Variants in ANXA4 observed in about 807,000 individuals in gnomAD.
The protein encoded by ANXA4 is 35-beta calcimedin.
A neutral mutation model predicts 49.8 loss-of-function variants in ANXA4; 39 were observed. The ratio of observed to expected loss-of-function variants is 0.78; its 90% confidence interval spans 0.61 to 1.02. The LOEUF is 1.02. ANXA4 is among the 50% of genes least tolerant of loss of function. The pLI, the probability that ANXA4 is intolerant of heterozygous loss-of-function variation, is 0.00. For missense variants in ANXA4, 360 were observed against 410.1 expected (o/e 0.88, Z 1.05); for synonymous variants, 134 against 152.5 (o/e 0.88, Z 0.89).
chr2:69,723,306 T>C (rs1559112301), intron 3 of ANXA4, among the ~76,000 whole-genome samples: 1 of 151,256 alleles, frequency 6.6e-6, no homozygotes, highest in Non-Finnish European at 1.5e-5. Context: ...TAAATAAATA[T>C]GTAGTAATTA....
At chr2:69,762,471 C>A (rs1445841740) in intron 1 of ANXA4, among the ~76,000 whole-genome samples, 1 of 152,034 alleles carries the variant, frequency 6.6e-6, no homozygotes, top group Non-Finnish European at 1.5e-5. Flanking sequence ...AGCTTTACAG[C>A]AGAGGAGGGA....
At chr2:69,773,013 CA>C (rs570668972) in intron 1 of ANXA4, among the ~76,000 whole-genome samples, 9 of 138,742 alleles carry the variant, frequency 6.5e-5, no homozygotes, top group Non-Finnish European at 4.7e-5. Flanking sequence ...GAGACTGTCT[CA>C]AAAAAAAAAG....
upstream of ANXA4, among the ~76,000 whole-genome samples, chr2:69,739,271 G>A (rs1292364767): frequency 6.6e-6 from 1 of 152,128 alleles, no homozygotes; most frequent in Non-Finnish European, 1.5e-5. Context: ...CTCCTGGTTT[G>A]GAAGTCGGCT....
At chr2:69,649,505 T>C (rs1676144660) in intron 1 of ANXA4, among the ~76,000 whole-genome samples, 1 of 151,516 alleles carries the variant, frequency 6.6e-6, no homozygotes, top group African/African-American at 2.4e-5. Context: ...TAGTAATCAG[T>C]GCTTTACTGT....
intron 1 of ANXA4, among the ~76,000 whole-genome samples, chr2:69,773,289 T>C (rs2105566327): frequency 6.6e-6 from 1 of 152,348 alleles, no homozygotes; most frequent in African/African-American, 2.4e-5. Context: ...AGGAGTGGAA[T>C]GTTCATATTA....
chr2:69,778,905 C>T (rs1170014768), intron 1 of ANXA4, among the ~76,000 whole-genome samples: 1 of 151,696 alleles, frequency 6.6e-6, no homozygotes, highest in Non-Finnish European at 1.5e-5. Flanking sequence ...CAAGACCAGC[C>T]TGGCCAATAT....
chr2:69,675,423 A>G (rs1283520674), intron 2 of ANXA4, among the ~76,000 whole-genome samples: 1 of 152,246 alleles, frequency 6.6e-6, no homozygotes, highest in Admixed American at 6.5e-5. Flanking sequence ...ATAAATATAG[A>G]TTAAAATTTT....
chr2:69,797,235 A>G (rs896606078), intron 3 of ANXA4, among the ~76,000 whole-genome samples: 1 of 152,162 alleles, frequency 6.6e-6, no homozygotes, highest in Non-Finnish European at 1.5e-5. Context: ...GTTCTTTTCA[A>G]TGTGACTCAG....
At chr2:69,702,362 T>C (rs551476489) in intron 2 of ANXA4, among the ~76,000 whole-genome samples, 1 of 152,194 alleles carries the variant, frequency 6.6e-6, no homozygotes, top group South Asian at 2.1e-4. Flanking sequence ...AAATCAAATA[T>C]ATTTAAAAAG....
At position 69,826,712 on chromosome 2, in the gene ANXA4, G is replaced by A. The variant is rs530512262; in HGVS notation, c.*1197G>A. On this transcript the variant is annotated 3_prime_UTR_variant, in exon 13 of 13. Coordinates refer to ENST00000394295, the MANE Select transcript of ANXA4 (RefSeq NM_001153.5). ...GTCAGGGAGAACTGCTTGAACCCAGGAGGCAGGAGGCAAAGGTTGCAGTGA... is the reference window on the plus strand; with the variant it reads ...GTCAGGGAGAACTGCTTGAACCCAGAAGGCAGGAGGCAAAGGTTGCAGTGA... The A allele has an allele frequency of 8.6e-5, 13 of 151,636 alleles. No homozygotes were observed. In the East Asian group the frequency reaches 2.1e-3, roughly 25 times the overall value. The allele number at this position is 151,636 out of a possible 1,614,324, so 9.4% of individuals were successfully genotyped here. A position where few individuals can be genotyped will look rare whatever the true frequency, so the allele number is the denominator to read the frequency against.
chr2:69,805,046 CA>C (rs60172949), intron 4 of ANXA4, among the ~76,000 whole-genome samples: 988 of 35,800 alleles, frequency 0.028, 6 homozygotes, highest in African/African-American at 0.034. Context: ...GACTCCATCT[CA>C]AAAAAAAAAA....
At chr2:69,720,738 A>C (rs1359356414) in intron 2 of ANXA4, 2 of 152,236 alleles carry the variant, frequency 1.3e-5, no homozygotes, top group African/African-American at 4.8e-5. Flanking sequence ...AAATACCCAG[A>C]GGAGGGGTCC....
chr2:69,802,577 G>C (rs1177070918), intron 3 of ANXA4, among the ~76,000 whole-genome samples: 1 of 152,098 alleles, frequency 6.6e-6, no homozygotes, highest in Non-Finnish European at 1.5e-5. Flanking sequence ...TGGGCGTGGT[G>C]GCGTGCACCT....
chr2:69,788,095 T>C lies in ANXA4; in HGVS notation c.51T>C (p.Asn17=). The change falls in exon 3 of 13, where the codon AAT becomes AAC. Residue 17 remains asparagine (N), a synonymous_variant. Coordinates refer to ENST00000394295, the MANE Select transcript of ANXA4 (RefSeq NM_001153.5). ...GGTVKAASGF[N]AMEDAQTLRK... Reference sequence around the variant, plus strand: ...CTGTCAAAGCTGCTTCAGGATTCAATGCCATGGAAGATGCCCAGACCCTGA... The same window carrying C: ...CTGTCAAAGCTGCTTCAGGATTCAACGCCATGGAAGATGCCCAGACCCTGA... 3 of 1,614,072 alleles carry C rather than the reference T, an allele frequency of 1.9e-6. No individual in the cohort carries two copies. Among genetic ancestry groups the C allele is most frequent in the Non-Finnish European group, 2.5e-6 (3 of 1,179,942 alleles).
intron 2 of ANXA4, among the ~76,000 whole-genome samples, chr2:69,712,783 A>G (rs1407977603): frequency 6.6e-6 from 1 of 152,188 alleles, no homozygotes; most frequent in Non-Finnish European, 1.5e-5. Flanking sequence ...GCCTAGAAGA[A>G]GGAGATTACA....
At chr2:69,815,898 T>C (rs1327991782) in intron 8 of ANXA4, 2 of 555,554 alleles carry the variant, frequency 3.6e-6, no homozygotes, top group Admixed American at 6.1e-5. Context: ...TTGCCCTGAC[T>C]CCCAGGGGGG....
intron 1 of ANXA4, among the ~76,000 whole-genome samples, chr2:69,755,717 G>A (rs1481276141): frequency 1.3e-5 from 2 of 152,130 alleles, no homozygotes; most frequent in African/African-American, 4.8e-5. Flanking sequence ...CCAGTGATGT[G>A]CTGAATTGTC....
chr2:69,648,846 G>A (rs1411053382), intron 1 of ANXA4, among the ~76,000 whole-genome samples: 1 of 136,418 alleles, frequency 7.3e-6, no homozygotes, highest in Non-Finnish European at 1.6e-5. Context: ...AAAAAAAGAC[G>A]TTTCTTGATT....
In ANXA4 at chr2:69,716,635, G is replaced by A. The variant is rs72901465; in HGVS notation, n.767-4139G>A. Among the ~76,000 whole-genome samples the A allele has an allele frequency of 7.2e-3, 1,095 of 152,200 alleles. 15 individuals carry two copies. The highest frequency in any genetic ancestry group is 0.024 in the African/African-American group (1,003 of 41,520). On this transcript the variant is annotated intron_variant and non_coding_transcript_variant, in intron 2 of 3. Transcript: ENST00000418066. ...CAAGCTCGTTTTGAGAAGATCACTC[G>A]GGAGAACGGGTCTGAGAGACAGCAC... is the stretch of plus-strand genomic sequence containing the variant.
Sources: allele counts gnomAD v4.1 joint callset (sites outside exome capture counted in the v4.1 genomes callset), GRCh38; gene constraint gnomAD v4.1.1; transcripts MANE v1.5; gene names NCBI Gene and HGNC (gene_info 2026-07-23, HGNC 2026-07-21).